CDC23: variants seen among roughly 807,000 people sequenced by gnomAD.
The protein encoded by CDC23 is cell division cycle 23, also known as cell division cycle protein 23 homolog.
Under a neutral mutation model 81.7 loss-of-function variants are expected in CDC23, and 26 were observed. The observed-to-expected ratio is 0.32, with a 90% CI of 0.23 to 0.44. The LOEUF (loss-of-function observed/expected upper bound fraction) is 0.44. Among genes scored for constraint, CDC23 ranks in the 20% least tolerant of loss-of-function variants. The pLI, the probability that CDC23 is intolerant of heterozygous loss-of-function variation, is 1.00. For synonymous variants in CDC23, 267 were observed against 270.8 expected, an observed-to-expected ratio of 0.99 and a Z score of 0.14; for missense variants, 519 against 728.0, an observed-to-expected ratio of 0.71 and a Z score of 3.30.
chr5:138,198,627 T>C lies in CDC23; in HGVS notation c.810A>G (p.Ala270=). 7 of 1,614,154 alleles carry C rather than the reference T, an allele frequency of 4.3e-6. No homozygotes were observed. The highest frequency in any genetic ancestry group is 5.9e-6 in the Non-Finnish European group (7 of 1,180,024). The change falls in exon 7 of 16, where the codon GCA becomes GCG. Residue 270 remains alanine, a synonymous_variant. Transcript: ENST00000394886. ...SKSSYIVSQI[A]VAYHNIRDID... ...CACCTCTGATATTGTGATAGGCAACTGCAATTTGGGAAACAATATACGAGC... is the reference window on the plus strand; with the variant it reads ...CACCTCTGATATTGTGATAGGCAACCGCAATTTGGGAAACAATATACGAGC...
At position 138,188,886 on chromosome 5, in the gene CDC23, C is replaced by T. The variant is rs1003845475; in HGVS notation, c.*92G>A. On this transcript the variant is annotated 3_prime_UTR_variant, in exon 16 of 16. Transcript: ENST00000394886. ...TTGCCATCTGTAGAAACAAGAAGAG[C>T]TGAGGTCCTTGGAACAGACGTGCTG... The T allele has an allele frequency of 7.9e-7, 1 of 1,267,774 alleles. No individual in the cohort carries two copies. The highest frequency in any genetic ancestry group is 1.1e-6 in the Non-Finnish European group (1 of 922,944). The allele number at this position is 1,267,774 out of a possible 1,614,324, so 78.5% of individuals were successfully genotyped here. A position where few individuals can be genotyped will look rare whatever the true frequency, so the allele number is the denominator to read the frequency against.
In CDC23 at chr5:138,188,796, G is replaced by A. The variant is rs899569437; in HGVS notation, c.*182C>T. The A allele has an allele frequency of 2.0e-6, 1 of 508,536 alleles. No homozygotes were observed. The highest frequency in any genetic ancestry group is 3.3e-5 in the East Asian group (1 of 30,456). The allele number at this position is 508,536 out of a possible 1,614,324, so 31.5% of individuals were successfully genotyped here. On this transcript the variant is annotated 3_prime_UTR_variant, in exon 16 of 16. Coordinates refer to ENST00000394886, the MANE Select transcript of CDC23 (RefSeq NM_004661.4). ...ACTTCTAACTGGCAAGATAATGTCT[G>A]TTCCTGCCAGGATTCTGTCAGTTGG... is the stretch of plus-strand genomic sequence containing the variant.
chr5:138,188,857 G>A lies in CDC23; in HGVS notation c.*121C>T, dbSNP rs1754788086. On this transcript the variant is annotated 3_prime_UTR_variant, in exon 16 of 16. Coordinates refer to ENST00000394886, the MANE Select transcript of CDC23 (RefSeq NM_004661.4). Reference sequence around the variant, plus strand: ...TAATTATACAAGCTGTCCCTATGGAGCTGTTGCCATCTGTAGAAACAAGAA... The same window carrying A: ...TAATTATACAAGCTGTCCCTATGGAACTGTTGCCATCTGTAGAAACAAGAA... 1 of 877,206 alleles carries A rather than the reference G, an allele frequency of 1.1e-6. No homozygotes were observed. Among genetic ancestry groups the A allele is most frequent in the African/African-American group, 1.7e-5 (1 of 58,676 alleles). 54.3% of individuals were successfully genotyped at this position (877,206 alleles called of 1,614,324 possible).
rs905542569 is a variant in CDC23, at chr5:138,191,770, C to T, written c.1362+92G>A. ...TTCAGACTTTCCTATGCACCTAGAT[C>T]AGAATAAGGGAAAAATTAGAGCACA... is the stretch of plus-strand genomic sequence containing the variant. On this transcript the variant is annotated intron_variant, in intron 12 of 15. Transcript: ENST00000394886. 4 of 1,111,058 alleles carry T rather than the reference C, an allele frequency of 3.6e-6. No homozygotes were observed. The African/African-American group carries it at 6.2e-5, about 17-fold the overall frequency. 68.8% of individuals were successfully genotyped at this position (1,111,058 alleles called of 1,614,324 possible). A position where few individuals can be genotyped will look rare whatever the true frequency, so the allele number is the denominator to read the frequency against.
chr5:138,212,860 T>C (rs1044746950), intron 2 of CDC23, 131 bp downstream of exon 2: 8 of 703,456 alleles, frequency 1.1e-5, no homozygotes, highest in African/African-American at 3.6e-5. Flanking sequence ...ACTCAGCTCT[T>C]TGAATGCCTG....
At chr5:138,207,577 T>C (rs1345815832) in intron 2 of CDC23, among the ~76,000 whole-genome samples, 2 of 152,184 alleles carry the variant, frequency 1.3e-5, no homozygotes, top group South Asian at 2.1e-4. Flanking sequence ...CAATAAAGTT[T>C]TGTCATAATT....
intron 2 of CDC23, among the ~76,000 whole-genome samples, chr5:138,209,818 C>T (rs564875401): frequency 4.7e-5 from 7 of 149,408 alleles, no homozygotes; most frequent in East Asian, 1.9e-4. Context: ...AGCAAAACTC[C>T]GTCTCAAAAA....
chr5:138,189,258 G>C, intron 15 of CDC23, 110 bp from the exon 16 acceptor site: 1 of 1,052,684 alleles, frequency 9.5e-7, no homozygotes, highest in Non-Finnish European at 1.4e-6. Flanking sequence ...CGGGAGGCTT[G>C]CTTGTTTTTT....
rs17234737 is a variant in CDC23, at chr5:138,210,026, C to T, written c.234+2965G>A. On this transcript the variant is annotated intron_variant, in intron 2 of 15. Transcript: ENST00000394886. ...GTCAGGAGTTCGAGACCAGCCTGGC[C>T]AACATGGTGAAACCTCCTCTCTACT... is the stretch of plus-strand genomic sequence containing the variant. 7.1e-3 allele frequency among the ~76,000 whole-genome samples: 1,086 copies of T among 152,018 alleles called. 6 individuals carry two copies. The highest frequency in any genetic ancestry group is 0.024 in the African/African-American group (1,008 of 41,446).
chr5:138,192,082 T>C, intron 11 of CDC23, 145 bp from the exon 12 acceptor site: 1 of 915,910 alleles, frequency 1.1e-6, no homozygotes, highest in Non-Finnish European at 1.7e-6. Flanking sequence ...TTTGTGTTCA[T>C]AATTATACTA....
intron 2 of CDC23, among the ~76,000 whole-genome samples, chr5:138,209,980 G>A (rs1437987125): frequency 6.6e-6 from 1 of 151,998 alleles, no homozygotes; most frequent in African/African-American, 2.4e-5. Context: ...TTGGGAGGCT[G>A]AGAGGGGTGG....
At position 138,187,708 on chromosome 5, in the gene CDC23, A is replaced by G. The variant is rs1754770428; in HGVS notation, c.*1270T>C. 1 of 273,626 alleles carries G rather than the reference A, an allele frequency of 3.7e-6. No homozygotes were observed. Among genetic ancestry groups the G allele is most frequent in the African/African-American group, 2.2e-5 (1 of 44,662 alleles). The allele number at this position is 273,626 out of a possible 1,614,324, so 16.9% of individuals were successfully genotyped here. The stretch of plus-strand genomic sequence containing the variant: ...TAGCAAAATCATTAAAACAAATTAT[A>G]AAAGGGACAGAAAAATTAAGAATCA... On this transcript the variant is annotated 3_prime_UTR_variant, in exon 16 of 16. Coordinates refer to ENST00000394886, the MANE Select transcript of CDC23 (RefSeq NM_004661.4).
chr5:138,203,244 T>A (rs1235247225), intron 3 of CDC23, among the ~76,000 whole-genome samples: 1 of 152,222 alleles, frequency 6.6e-6, no homozygotes, highest in Admixed American at 6.5e-5. Context: ...TGAACCCTAA[T>A]GTAAACTGTG....
chr5:138,200,285 C>T (rs1271219147), intron 6 of CDC23, among the ~76,000 whole-genome samples: 2 of 152,154 alleles, frequency 1.3e-5, no homozygotes, highest in Non-Finnish European at 2.9e-5. Context: ...GCATCCACAA[C>T]CACACCTGGT....
chr5:138,211,488 C>T (rs1755112619), intron 2 of CDC23, among the ~76,000 whole-genome samples: 1 of 152,048 alleles, frequency 6.6e-6, no homozygotes, highest in African/African-American at 2.4e-5. Context: ...AGGGTGAAAC[C>T]CTGTCCCTAC....
intron 9 of CDC23, 103 bp from the exon 10 acceptor site, chr5:138,192,760 T>G: frequency 9.8e-7 from 1 of 1,015,956 alleles, no homozygotes; most frequent in East Asian, 2.6e-5. Flanking sequence ...CCATAACCCA[T>G]TCCCTCTAAA....
intron 9 of CDC23, among the ~76,000 whole-genome samples, chr5:138,196,970 G>C (rs572205579): frequency 7.2e-6 from 1 of 139,068 alleles, no homozygotes; most frequent in South Asian, 2.2e-4. Context: ...GGCTGGACTC[G>C]AACCCTGGGC....
rs76907133 is a variant in CDC23, at chr5:138,213,299, G to A, written c.14C>T (p.Thr5Ile). 6.6e-3 allele frequency: 10,648 copies of A among 1,613,596 alleles called. 45 individuals carry two copies. Among genetic ancestry groups the A allele is most frequent in the Non-Finnish European group, 7.9e-3 (9,347 of 1,179,806 alleles). Residue 5 changes from threonine to isoleucine, a missense_variant, in exon 1 of 16, where the codon ACC (threonine) becomes ATC (isoleucine). Physicochemically the swap from Thr to Ile is moderately conservative, Grantham distance 89 (BLOSUM62 -1). Coordinates refer to ENST00000394886, the MANE Select transcript of CDC23 (RefSeq NM_004661.4). ...CGTCACAGCCACCGGGACCATGGAG[G>A]TACTCGCAGCCATTTTCCCGACTCG... MAAS[T>I]SMVPVAVTAA...
intron 9 of CDC23, among the ~76,000 whole-genome samples, chr5:138,196,761 T>G (rs887095939): frequency 2.1e-4 from 31 of 150,996 alleles, no homozygotes; most frequent in South Asian, 1.3e-3. Context: ...TTTGTATTTT[T>G]TGTAGAGATG....
Sources: gnomAD v4.1 joint callset for allele counts (sites outside exome capture counted in the v4.1 genomes callset) on GRCh38, gnomAD v4.1.1 for gene constraint, MANE v1.5 for transcripts, NCBI Gene and HGNC (gene_info 2026-07-23, HGNC 2026-07-21) for gene names.